Variants in SHOX observed in about 807,000 individuals in gnomAD.
SHOX encodes the protein short stature homeobox protein.
SHOX carries 12 observed loss-of-function variants against 29.6 expected under a neutral mutation model. That is an observed-to-expected ratio of 0.41 (90% CI 0.26 to 0.66). The LOEUF (loss-of-function observed/expected upper bound fraction) is 0.66, where lower values mean the gene tolerates loss of function less well. Among genes scored for constraint, SHOX ranks in the 30% least tolerant of loss-of-function variants. SHOX has a pLI of 0.35. For synonymous variants in SHOX, 214 were observed against 200.6 expected, an observed-to-expected ratio of 1.07 and a Z score of -0.57; for missense variants, 499 against 437.7, an observed-to-expected ratio of 1.14 and a Z score of -1.25.
rs750211519 is a variant in SHOX at position 650,538 on chromosome X, G to A, written c.*5902G>A. Among the ~76,000 whole-genome samples the A allele has an allele frequency of 6.6e-6, 1 of 151,938 alleles. No individual in the cohort carries two copies. The highest frequency in any genetic ancestry group is 1.5e-5 in the Non-Finnish European group (1 of 68,002). On this transcript the variant is annotated 3_prime_UTR_variant, in exon 5 of 5. Coordinates refer to ENST00000686671, the MANE Select transcript of SHOX (RefSeq NM_000451.4). Reference sequence around the variant, plus strand: ...GTGCCAAGCTCTGGTCAGGATGAAAGGGAAATACCAGAGTCCTCTGTCCTC... The same window carrying A: ...GTGCCAAGCTCTGGTCAGGATGAAAAGGAAATACCAGAGTCCTCTGTCCTC...
At position 649,339 on chromosome X, in the gene SHOX, CCT is replaced by C. The variant is rs2053018683; in HGVS notation, c.*4710_*4711del. Among the ~76,000 whole-genome samples, 1 of 152,144 alleles carries C rather than the reference CCT, an allele frequency of 6.6e-6. No individual in the cohort carries two copies. The highest frequency in any genetic ancestry group is 2.1e-4 in the South Asian group (1 of 4,816). Reference sequence around the variant, plus strand: ...CGGGGTGAGGCACCGCGCCCGGCCTCCTCTCTCTTTTTCTGAGATGTTTAGGA... The same window carrying C: ...CGGGGTGAGGCACCGCGCCCGGCCTCCTCTCTTTTTCTGAGATGTTTAGGA... On this transcript the variant is annotated 3_prime_UTR_variant, in exon 5 of 5. Coordinates refer to ENST00000686671, the MANE Select transcript of SHOX (RefSeq NM_000451.4).
In SHOX at chrX:631,098, G is replaced by T. The variant is rs753509357; in HGVS notation, c.201G>T (p.Pro67=). ...QDITEGGGHC[P]VHLFKDHVDN... ...TCACGGAGGGCGGCGGCCACTGCCC[G>T]GTGCATTTGTTCAAGGACCACGTAG... The change falls in exon 1 of 5, where the codon CCG becomes CCT. Residue 67 remains proline, a synonymous_variant. Transcript: ENST00000686671. The T allele has an allele frequency of 1.9e-6, 3 of 1,613,748 alleles. No individual in the cohort carries two copies. The highest frequency in any genetic ancestry group is 2.5e-6 in the Non-Finnish European group (3 of 1,179,854).
chrX:656,292 T>TACAGAAAA (rs1290091048), downstream of SHOX, among the ~76,000 whole-genome samples: 1 of 136,948 alleles, frequency 7.3e-6, no homozygotes, highest in African/African-American at 2.9e-5. Flanking sequence ...AAATCAAAAA[T>TACAGAAAA]TTAGCCAGCT....
At chrX:644,311 G>C in intron 4 of SHOX, 80 bp from the exon 5 acceptor site, 2 of 1,437,722 alleles carry the variant, frequency 1.4e-6, no homozygotes, top group East Asian at 5.7e-5. Context: ...AGGCACGTTG[G>C]AGGTTTCCGG....
intron 3 of SHOX, 54 bp from the exon 4 acceptor site, chrX:640,944 AG>A: frequency 6.2e-7 from 1 of 1,613,006 alleles, no homozygotes; most frequent in Non-Finnish European, 8.5e-7. Flanking sequence ...GGGGTCGACG[AG>A]GTGCTGGCTA....
chrX:636,971 T>TATATATATATATATATATATATATA (rs1243797446), intron 2 of SHOX, among the ~76,000 whole-genome samples: 2 of 129,294 alleles, frequency 1.5e-5, no homozygotes, highest in Middle Eastern at 4.2e-3. Flanking sequence ...TATATATATA[T>TATATATATATATATATATATATATA]TTTGGCTCCT....
Position 651,131 on chromosome X carries a change from C to A in SHOX, c.*6495C>A. ...ATTTTTTTTTCCTTGGTCGGACGTTCATAAATATGTACTATTTTAATTATG... is the reference window on the plus strand; with the variant it reads ...ATTTTTTTTTCCTTGGTCGGACGTTAATAAATATGTACTATTTTAATTATG... On this transcript the variant is annotated 3_prime_UTR_variant, in exon 5 of 5. Transcript: ENST00000686671. The A allele has an allele frequency of 2.8e-6, 1 of 352,678 alleles. No individual in the cohort carries two copies. The highest frequency in any genetic ancestry group is 2.2e-5 in the South Asian group (1 of 44,632). 21.8% of individuals were successfully genotyped at this position (352,678 alleles called of 1,614,324 possible).
At chrX:627,719 C>A (rs28485701), upstream of SHOX, among the ~76,000 whole-genome samples, 5 of 151,902 alleles carry the variant, frequency 3.3e-5, no homozygotes, top group African/African-American at 1.2e-4. Flanking sequence ...GAGGCTCGGA[C>A]ACCCTGGTAG....
At chrX:644,049 G>A (rs2052917353) in intron 4 of SHOX, among the ~76,000 whole-genome samples, 1 of 151,816 alleles carries the variant, frequency 6.6e-6, no homozygotes, top group Non-Finnish European at 1.5e-5. Context: ...GGGGCTGGTT[G>A]GGGGAGAGAA....
intron 5 of SHOX, among the ~76,000 whole-genome samples, chrX:657,626 A>C (rs1465597425): frequency 6.6e-6 from 1 of 152,116 alleles, no homozygotes; most frequent in Admixed American, 6.6e-5. Context: ...TTTCCTATGC[A>C]CTCTCTGAGG....
chrX:656,664 AC>A (rs2053150482), intron 5 of SHOX, among the ~76,000 whole-genome samples: 1 of 151,734 alleles, frequency 6.6e-6, no homozygotes, highest in South Asian at 2.1e-4. Context: ...ACACGGTGAA[AC>A]CCCGTCTCTA....
At chrX:626,990 C>G (rs967816195), upstream of SHOX, among the ~76,000 whole-genome samples, 7 of 151,688 alleles carry the variant, frequency 4.6e-5, no homozygotes, top group African/African-American at 7.3e-5. Flanking sequence ...GTCTCTCTCT[C>G]TCTCCTCTCT....
At chrX:634,260 C>T (rs1285224080) in intron 1 of SHOX, among the ~76,000 whole-genome samples, 2 of 152,118 alleles carry the variant, frequency 1.3e-5, no homozygotes, top group African/African-American at 4.8e-5. Context: ...CGCCGGGGAT[C>T]CCACAGTTGG....
At chrX:640,977 C>T in intron 3 of SHOX, 22 bp from the exon 4 acceptor site, 1 of 1,613,694 alleles carries the variant, frequency 6.2e-7, no homozygotes, top group South Asian at 1.1e-5. Flanking sequence ...ACCACACTGA[C>T]ACCTGCTCCC....
Position 625,727 on chromosome X carries a change from C to CTCTCCT in SHOX, c.-433+1125_-433+1126insTCTCCT, listed in dbSNP as rs1352287030. 1.9e-3 allele frequency among the ~76,000 whole-genome samples: 235 copies of CTCTCCT among 126,866 alleles called. 12 individuals are homozygous for CTCTCCT. The highest frequency in any genetic ancestry group is 6.8e-3 in the African/African-American group (222 of 32,730). The allele number at this position is 126,866 out of a possible 152,430, so 83.2% of individuals were successfully genotyped here. A position where few individuals can be genotyped will look rare whatever the true frequency, so the allele number is the denominator to read the frequency against. On this transcript the variant is annotated intron_variant, in intron 1 of 5. Transcript: ENST00000334060. ...TCTTTCTATCTCTGTCTCTCTCTCT[C>CTCTCCT]CTCTCTCTCTGTCTCTTTTTCTCTG...
intron 1 of SHOX, among the ~76,000 whole-genome samples, chrX:633,836 C>G (rs901420940): frequency 2.0e-5 from 3 of 152,072 alleles, no homozygotes; most frequent in Non-Finnish European, 2.9e-5. Flanking sequence ...GTCAGAGAGG[C>G]TGAATGTCTA....
chrX:630,936 C>T lies in SHOX; in HGVS notation c.39C>T (p.Asp13=), dbSNP rs757990148. 3.7e-6 allele frequency: 6 copies of T among 1,613,752 alleles called. No individual in the cohort carries two copies. The South Asian group carries it at 6.6e-5, about 18-fold the overall frequency. Residue 13 remains aspartate, a synonymous_variant, in exon 1 of 5, where the codon GAC becomes GAT. Transcript: ENST00000686671. ...ELTAFVSKSF[D]QKSKDGNGGG... Reference sequence around the variant, plus strand: ...CGGCTTTTGTATCCAAGTCTTTTGACCAGAAAAGCAAGGACGGTAACGGCG... The same window carrying T: ...CGGCTTTTGTATCCAAGTCTTTTGATCAGAAAAGCAAGGACGGTAACGGCG...
chrX:624,702 T>TTTC (rs1273337706), intron 1 of SHOX: 1 of 6,620 alleles, frequency 1.5e-4, no homozygotes, highest in Non-Finnish European at 3.6e-4. Context: ...TCCTCTTTCT[T>TTTC]TTCTTTCTTT....
chrX:643,450 CGGGAGAGCCTTGGGGACCTGGTGTCCTG>C (rs1347274720), intron 4 of SHOX, among the ~76,000 whole-genome samples: 22 of 135,142 alleles, frequency 1.6e-4, no homozygotes, highest in Non-Finnish European at 2.8e-4. Flanking sequence ...CCTGGTGACC[CGGGAGAGCCTTGGGGACCTGGTGTCCTG>C]GGGAGAGCCT....
Sources: gnomAD v4.1 joint callset for allele counts (sites outside exome capture counted in the v4.1 genomes callset) on GRCh38, gnomAD v4.1.1 for gene constraint, MANE v1.5 for transcripts, NCBI Gene and HGNC (gene_info 2026-07-23, HGNC 2026-07-21) for gene names.